The following PDE6A variants were observed in gnomAD, a reference collection of about 807,000 sequenced individuals.
PDE6A encodes the protein rod cGMP-specific 3',5'-cyclic phosphodiesterase subunit alpha.
Under a neutral mutation model 106.3 loss-of-function variants are expected in PDE6A, and 84 were observed. That is an observed-to-expected ratio of 0.79 (90% CI 0.66 to 0.95). The LOEUF (loss-of-function observed/expected upper bound fraction) is 0.95, where lower values mean the gene tolerates loss of function less well. Among genes scored for constraint, PDE6A ranks in the 40% least tolerant of loss-of-function variants. PDE6A has a pLI of 0.00. For synonymous variants in PDE6A, 394 were observed against 386.6 expected (o/e 1.02, Z -0.23); for missense variants, 1,052 against 1,084.9 (o/e 0.97, Z 0.43).
At chr5:149,886,609 C>T (rs1405748331) in intron 13 of PDE6A, among the ~76,000 whole-genome samples, 1 of 152,130 alleles carries the variant, frequency 6.6e-6, no homozygotes, top group African/African-American at 2.4e-5. Context: ...CAACTGGTCA[C>T]CCTATTTCTG....
At chr5:149,912,962 A>G (rs891089271) in intron 6 of PDE6A, among the ~76,000 whole-genome samples, 1 of 152,216 alleles carries the variant, frequency 6.6e-6, no homozygotes, top group African/African-American at 2.4e-5. Context: ...TGACCATTTA[A>G]GAGACAGATA....
At chr5:149,912,399 T>C (rs1472864586) in intron 6 of PDE6A, among the ~76,000 whole-genome samples, 1 of 152,238 alleles carries the variant, frequency 6.6e-6, no homozygotes, top group Non-Finnish European at 1.5e-5. Context: ...CCATTCTGCA[T>C]GTTTACAGAC....
At position 149,934,734 on chromosome 5, in the gene PDE6A, G is replaced by T. The variant is rs766326838; in HGVS notation, c.475-16C>A. 95 of 1,613,116 alleles carry T rather than the reference G, an allele frequency of 5.9e-5. No homozygotes were observed. Among genetic ancestry groups the T allele is most frequent in the Non-Finnish European group, 7.7e-5 (91 of 1,179,982 alleles). ...AATGCTCATCCTAAAGGAAGGCAGAGATAAGCACGGACAGGCAAATGAAGA... is the reference window on the plus strand; with the variant it reads ...AATGCTCATCCTAAAGGAAGGCAGATATAAGCACGGACAGGCAAATGAAGA... On this transcript the variant is annotated splice_polypyrimidine_tract_variant and intron_variant, in intron 1 of 21. Transcript: ENST00000255266.
chr5:149,914,858 G>T, intron 6 of PDE6A, 85 bp downstream of exon 6: 2 of 893,288 alleles, frequency 2.2e-6, no homozygotes, highest in Non-Finnish European at 3.8e-6. Context: ...ATGAAGTGTT[G>T]CCCAATTCCA....
chr5:149,883,139 GT>G lies in PDE6A; in HGVS notation c.2135+289del, dbSNP rs534830203. On this transcript the variant is annotated intron_variant, in intron 17 of 21. Coordinates refer to ENST00000255266, the MANE Select transcript of PDE6A (RefSeq NM_000440.3). Reference sequence around the variant, plus strand: ...TATCAAAAACTTAAAAGTTATATCAGTTTACCACCCAAATCTTAGATATTAT... The same window carrying G: ...TATCAAAAACTTAAAAGTTATATCAGTTACCACCCAAATCTTAGATATTAT... 3.7e-4 allele frequency among the ~76,000 whole-genome samples: 57 copies of G among 152,254 alleles called. 1 individual carries two copies. In the Middle Eastern group the frequency reaches 0.02, roughly 55 times the overall value.
intron 17 of PDE6A, among the ~76,000 whole-genome samples, chr5:149,878,397 G>A (rs755895219): frequency 4.6e-5 from 7 of 151,926 alleles, no homozygotes; most frequent in African/African-American, 9.7e-5. Context: ...AAGTGTTATC[G>A]TTTATTTAAC....
intron 13 of PDE6A, among the ~76,000 whole-genome samples, chr5:149,894,892 G>A (rs897845548): frequency 2.0e-5 from 3 of 152,102 alleles, no homozygotes; most frequent in African/African-American, 7.2e-5. Flanking sequence ...GCATCCCAAA[G>A]TGTTGGGATT....
intron 9 of PDE6A, among the ~76,000 whole-genome samples, chr5:149,898,889 G>C (rs2113594003): frequency 6.6e-6 from 1 of 152,058 alleles, no homozygotes; most frequent in East Asian, 1.9e-4. Flanking sequence ...TTTGAGACAG[G>C]GTCTTGCTCT....
At position 149,933,941 on chromosome 5, in the gene PDE6A, G is replaced by A. The variant is rs1309412568; in HGVS notation, c.706C>T (p.Arg236Ter). The A allele has an allele frequency of 1.2e-6, 2 of 1,612,874 alleles. No homozygotes were observed. The highest frequency in any genetic ancestry group is 1.3e-5 in the African/African-American group (1 of 74,910). ...CCCAAGCCCCTTACCTGGCCACGTC[G>A]AGTTTCACAGTTGTGCAGGTAACTC... ...HLSYLHNCETRRGQILLWSGS... is the reference protein window; with the variant it reads ...HLSYLHNCET Residue 236 changes from arginine to a stop codon, truncating the protein, a stop_gained, in exon 3 of 22, where the codon CGA becomes TGA. Transcript: ENST00000255266. LOFTEE classifies it high-confidence loss of function.
Position 149,858,814 on chromosome 5 carries a change from A to ATTTTTTTTTTTTTTTTTTTTTTTTT in PDE6A, c.*2080_*2081insAAAAAAAAAAAAAAAAAAAAAAAAA, listed in dbSNP as rs1760022394. 1 of 104,018 alleles carries ATTTTTTTTTTTTTTTTTTTTTTTTT rather than the reference A, an allele frequency of 9.6e-6. No individual in the cohort carries two copies. Among genetic ancestry groups the ATTTTTTTTTTTTTTTTTTTTTTTTT allele is most frequent in the African/African-American group, 3.6e-5 (1 of 27,762 alleles). The allele number at this position is 104,018 out of a possible 1,614,324, so 6.4% of individuals were successfully genotyped here. ...GAAAGAGAGAAATTCTATCTGCCAC[A>ATTTTTTTTTTTTTTTTTTTTTTTTT]TCTTTTTTTTTTCTTTTTTTTTTTT... is the stretch of plus-strand genomic sequence containing the variant. On this transcript the variant is annotated 3_prime_UTR_variant, in exon 22 of 22. Coordinates refer to ENST00000255266, the MANE Select transcript of PDE6A (RefSeq NM_000440.3).
chr5:149,900,806 T>A (rs1752949692), intron 8 of PDE6A, among the ~76,000 whole-genome samples: 1 of 152,118 alleles, frequency 6.6e-6, no homozygotes, highest in Non-Finnish European at 1.5e-5. Context: ...CTACCTAATC[T>A]TCATGGAATC....
intron 7 of PDE6A, among the ~76,000 whole-genome samples, chr5:149,906,519 C>CCAAAAAAAAAAAAAAAAAAAAAAAAAAA (rs1753188179): frequency 1.8e-5 from 1 of 54,204 alleles, no homozygotes; most frequent in Non-Finnish European, 4.0e-5. Flanking sequence ...GAGACACTGT[C>CCAAAAAAAAAAAAAAAAAAAAAAAAAAA]AAAAAAAAAA....
At chr5:149,861,016 G>A (rs1760120564) in intron 21 of PDE6A, 45 bp from the exon 22 acceptor site, 1 of 1,554,776 alleles carries the variant, frequency 6.4e-7, no homozygotes, top group Non-Finnish European at 8.9e-7. Context: ...ACAAGAGGCT[G>A]CAGTGGGCTT....
intron 14 of PDE6A, 144 bp downstream of exon 14, chr5:149,886,121 A>G (rs1255237457): frequency 1.4e-6 from 1 of 702,780 alleles, no homozygotes; most frequent in African/African-American, 1.7e-5. Context: ...CTGCTACAGG[A>G]GGAGACCCGG....
intron 21 of PDE6A, among the ~76,000 whole-genome samples, chr5:149,861,236 C>A (rs1328103829): frequency 6.6e-6 from 1 of 152,256 alleles, no homozygotes; most frequent in East Asian, 1.9e-4. Flanking sequence ...GTGAACATGA[C>A]AAACTAGAGA....
chr5:149,918,445 A>C (rs1265966342), intron 5 of PDE6A, among the ~76,000 whole-genome samples: 1 of 152,198 alleles, frequency 6.6e-6, no homozygotes, highest in East Asian at 1.9e-4. Flanking sequence ...ATATACCTAA[A>C]TGTTCCTGCA....
intron 17 of PDE6A, among the ~76,000 whole-genome samples, chr5:149,877,127 G>T (rs1323108398): frequency 6.6e-6 from 1 of 152,136 alleles, no homozygotes; most frequent in Non-Finnish European, 1.5e-5. Context: ...ATGGTCCCTG[G>T]ACAGTGATAC....
chr5:149,904,787 T>C (rs890108250), intron 7 of PDE6A, among the ~76,000 whole-genome samples: 1 of 152,150 alleles, frequency 6.6e-6, no homozygotes, highest in Non-Finnish European at 1.5e-5. Flanking sequence ...TGTCTCCTGA[T>C]CTCAGAGTTC....
Position 149,944,782 on chromosome 5 carries a change from G to A in PDE6A, c.-109C>T. 1 of 821,284 alleles carries A rather than the reference G, an allele frequency of 1.2e-6. No homozygotes were observed. The highest frequency in any genetic ancestry group is 1.4e-5 in the South Asian group (1 of 69,102). The allele number at this position is 821,284 out of a possible 1,614,324, so 50.9% of individuals were successfully genotyped here. On this transcript the variant is annotated 5_prime_UTR_variant, in exon 1 of 22. Coordinates refer to ENST00000255266, the MANE Select transcript of PDE6A (RefSeq NM_000440.3). ...GTCTGGACTTCTCTGGGTCTTGTCT[G>A]CAAAACATACTGAGATGGCCTGCAC...
Sources: allele counts gnomAD v4.1 joint callset (sites outside exome capture counted in the v4.1 genomes callset), GRCh38; gene constraint gnomAD v4.1.1; transcripts MANE v1.5; gene names NCBI Gene and HGNC (gene_info 2026-07-23, HGNC 2026-07-21).